The following RBM12 variants were observed in gnomAD, a reference collection of about 807,000 sequenced individuals.
RBM12 encodes the protein RNA-binding protein 12.
A neutral mutation model predicts 37.2 loss-of-function variants in RBM12; 24 were observed. That is an observed-to-expected ratio of 0.65 (90% CI 0.47 to 0.91). The LOEUF is 0.91. Ranked by LOEUF, RBM12 falls within the 40% of genes least tolerant of loss-of-function variation. The pLI, the probability that RBM12 is intolerant of heterozygous loss-of-function variation, is 0.00. For missense variants in RBM12, 1,061 were observed against 1,183.2 expected, an observed-to-expected ratio of 0.90 and a Z score of 1.52; for synonymous variants, 420 against 425.2, an observed-to-expected ratio of 0.99 and a Z score of 0.15.
At chr20:35,663,565 ATTAGG>A (rs888291918) in intron 1 of RBM12, among the ~76,000 whole-genome samples, 31 of 152,182 alleles carry the variant, frequency 2.0e-4, no homozygotes, top group African/African-American at 7.5e-4. Context: ...TTCAATTTAT[ATTAGG>A]TTATCTCTGA....
Position 35,654,652 on chromosome 20 carries a change from G to A in RBM12, c.671C>T (p.Pro224Leu). The change falls in exon 3 of 3, where the codon CCC becomes CTC. Residue 224 changes from proline (P) to leucine (L), a missense_variant. Coordinates refer to ENST00000374114, the MANE Select transcript of RBM12 (RefSeq NM_006047.6). ...CACAGAAGGAACTGGGGGAATCGGG[G>A]GCACAGGAGGCACAGGAGGCAATGT... ...VPTLPPVPPV[P>L]PIPPVPSVPP... 3.7e-6 allele frequency: 6 copies of A among 1,612,158 alleles called. No individual in the cohort carries two copies. Among genetic ancestry groups the A allele is most frequent in the Non-Finnish European group, 5.1e-6 (6 of 1,178,640 alleles).
Position 35,655,339 on chromosome 20 carries a change from ACAC to A in RBM12, c.-20_-18del. 6.3e-7 allele frequency: 1 copy of A among 1,596,348 alleles called. No homozygotes were observed. Among genetic ancestry groups the A allele is most frequent in the Non-Finnish European group, 8.5e-7 (1 of 1,175,996 alleles). ...CACAGCCATGCTGCGCTGAAACCAC[ACAC>A]ACCTGCAGATGAGAAAAGGCAACGG... On this transcript the variant is annotated splice_region_variant and 5_prime_UTR_variant, in exon 3 of 3. Coordinates refer to ENST00000374114, the MANE Select transcript of RBM12 (RefSeq NM_006047.6).
chr20:35,649,459 GAAT>G lies in RBM12; in HGVS notation c.*3062_*3064del, dbSNP rs2033348505. 1 of 152,510 alleles carries G rather than the reference GAAT, an allele frequency of 6.6e-6. No individual in the cohort carries two copies. The highest frequency in any genetic ancestry group is 2.4e-5 in the African/African-American group (1 of 41,434). The allele number at this position is 152,510 out of a possible 1,614,324, so 9.4% of individuals were successfully genotyped here. On this transcript the variant is annotated 3_prime_UTR_variant, in exon 3 of 3. Coordinates refer to ENST00000374114, the MANE Select transcript of RBM12 (RefSeq NM_006047.6). ...GGTTAAGACTGGCCTTAACTACACT[GAAT>G]ATTACTACCTGAAATTTTAAATAAA... is the stretch of plus-strand genomic sequence containing the variant.
chr20:35,659,069 C>A (rs941614736), intron 1 of RBM12, 55 bp from the exon 2 acceptor site: 1 of 711,676 alleles, frequency 1.4e-6, no homozygotes, highest in South Asian at 1.5e-5. Context: ...CAAAACAACA[C>A]GCACAGGCCA....
chr20:35,659,094 A>C, intron 1 of RBM12, 80 bp from the exon 2 acceptor site: 1 of 585,082 alleles, frequency 1.7e-6, no homozygotes, highest in Non-Finnish European at 3.1e-6. Flanking sequence ...GTACATTACG[A>C]AGGCGAGTCT....
chr20:35,655,422 T>C, intron 2 of RBM12, 78 bp from the exon 3 acceptor site: 2 of 1,256,994 alleles, frequency 1.6e-6, no homozygotes, highest in Non-Finnish European at 2.2e-6. Context: ...AATGACCAGC[T>C]ACCATATTAG....
rs369186536 is a variant in RBM12, at chr20:35,653,334, G to A, written c.1989C>T (p.Pro663=). The A allele has an allele frequency of 1.2e-6, 2 of 1,613,690 alleles. No individual in the cohort carries two copies. Among genetic ancestry groups the A allele is most frequent in the African/African-American group, 1.3e-5 (1 of 74,918 alleles). Residue 663 remains proline, a synonymous_variant, in exon 3 of 3, where the codon CCC becomes CCT. Coordinates refer to ENST00000374114, the MANE Select transcript of RBM12 (RefSeq NM_006047.6). ...PNAGLPGVGL[P]SAGLPGAGLP... is the part of the protein sequence containing the mutation. ...GGCCTGCACCGGGAAGTCCTGCACT[G>A]GGCAGTCCCACACCGGGCAGTCCCG...
At chr20:35,659,088 A>G in intron 1 of RBM12, 74 bp from the exon 2 acceptor site, 2 of 604,754 alleles carry the variant, frequency 3.3e-6, no homozygotes, top group South Asian at 4.1e-5. Context: ...CACACTGTAC[A>G]TTACGAAGGC....
chr20:35,658,972 C>T lies in RBM12; in HGVS notation c.-65G>A. The T allele has an allele frequency of 1.4e-6, 1 of 717,084 alleles. No homozygotes were observed. The highest frequency in any genetic ancestry group is 2.6e-6 in the Non-Finnish European group (1 of 385,016). 44.4% of individuals were successfully genotyped at this position (717,084 alleles called of 1,614,324 possible). A position where few individuals can be genotyped will look rare whatever the true frequency, so the allele number is the denominator to read the frequency against. Reference sequence around the variant, plus strand: ...GAATTTCCTTAACAAGAAGTAGAGGCCAAGTCAATCCTGTGGGCAACCAAT... The same window carrying T: ...GAATTTCCTTAACAAGAAGTAGAGGTCAAGTCAATCCTGTGGGCAACCAAT... On this transcript the variant is annotated 5_prime_UTR_variant, in exon 2 of 3. Transcript: ENST00000374114.
Position 35,654,182 on chromosome 20 carries a change from G to T in RBM12, c.1141C>A (p.Gln381Lys), listed in dbSNP as rs750535784. The change falls in exon 3 of 3, where the codon CAG becomes AAG. Residue 381 changes from glutamine to lysine, a missense_variant. By Grantham distance (53) the Gln-to-Lys change is moderately conservative (BLOSUM62 1). Around this residue, in one of 3 missense-constraint regions of RBM12, gnomAD observed 540 missense variants for 632.7 expected, o/e 0.85. Coordinates refer to ENST00000374114, the MANE Select transcript of RBM12 (RefSeq NM_006047.6). ...YVEVSPATER[Q>K]WVAAGGHITF... is the part of the protein sequence containing the mutation. Reference sequence around the variant, plus strand: ...ATATGGCCTCCAGCAGCTACCCACTGTCTTTCTGTGGCAGGGCTAACTTCC... The same window carrying T: ...ATATGGCCTCCAGCAGCTACCCACTTTCTTTCTGTGGCAGGGCTAACTTCC... The T allele has an allele frequency of 6.2e-7, 1 of 1,614,088 alleles. No individual in the cohort carries two copies. Among genetic ancestry groups the T allele is most frequent in the Non-Finnish European group, 8.5e-7 (1 of 1,180,050 alleles).
intron 2 of RBM12, 126 bp downstream of exon 2, chr20:35,658,804 C>A (rs907624950): frequency 7.8e-4 from 29 of 37,058 alleles, no homozygotes; most frequent in East Asian, 3.8e-3. Context: ...CAAACAAAAA[C>A]ACACACACAC....
chr20:35,664,037 C>A (rs562757208), intron 1 of RBM12, among the ~76,000 whole-genome samples: 3 of 152,178 alleles, frequency 2.0e-5, no homozygotes, highest in African/African-American at 7.2e-5. Context: ...TGGCATCTTA[C>A]TACAATTCTC....
intron 1 of RBM12, among the ~76,000 whole-genome samples, chr20:35,659,451 G>A (rs1312857984): frequency 2.0e-5 from 3 of 152,098 alleles, no homozygotes; most frequent in Non-Finnish European, 4.4e-5. Context: ...ACTTAAGATA[G>A]CAATTCAAGG....
rs1228156683 is a variant in RBM12 at position 35,650,911 on chromosome 20, G to A, written c.*1613C>T. 6.6e-6 allele frequency: 1 copy of A among 152,602 alleles called. No homozygotes were observed. The highest frequency in any genetic ancestry group is 2.4e-5 in the African/African-American group (1 of 41,444). The allele number at this position is 152,602 out of a possible 1,614,324, so 9.5% of individuals were successfully genotyped here. A position where few individuals can be genotyped will look rare whatever the true frequency, so the allele number is the denominator to read the frequency against. ...GTAACTACGCTGATTTGTAGGAAAT[G>A]TTGGGGATGTTTCAAACGAAGACAA... On this transcript the variant is annotated 3_prime_UTR_variant, in exon 3 of 3. Transcript: ENST00000374114.
chr20:35,663,003 CCT>C (rs565207291), intron 1 of RBM12, among the ~76,000 whole-genome samples: 210 of 152,252 alleles, frequency 1.4e-3, no homozygotes, highest in Admixed American at 3.5e-3. Flanking sequence ...AAATGTATTC[CCT>C]GTTTCATTAA....
rs1180580510 is a variant in RBM12 at position 35,653,732 on chromosome 20, T to A, written c.1591A>T (p.Met531Leu). Residue 531 changes from methionine (M) to leucine (L), a missense_variant, in exon 3 of 3, where the codon ATG becomes TTG. Met to Leu is a conservative substitution (Grantham distance 15). Coordinates refer to ENST00000374114, the MANE Select transcript of RBM12 (RefSeq NM_006047.6). ...LQNFSYDQRE[M>L]ILNPEGDVNS... ...ACATCCCCCTCTGGATTTAGTATCATTTCCCTCTGGTCATAGCTGAAGTTC... is the reference window on the plus strand; with the variant it reads ...ACATCCCCCTCTGGATTTAGTATCAATTCCCTCTGGTCATAGCTGAAGTTC... 2 of 1,614,220 alleles carry A rather than the reference T, an allele frequency of 1.2e-6. No homozygotes were observed. Among genetic ancestry groups the A allele is most frequent in the African/African-American group, 1.3e-5 (1 of 75,070 alleles).
At position 35,653,039 on chromosome 20, in the gene RBM12, A is replaced by C; in HGVS notation, c.2284T>G (p.Leu762Val). ...GGAACATCCAGTCCTAGACCAGGCA[A>C]ACCACTGTTTCCAACTGAAGGCATA... ...PGMPSVGNSG[L>V]PGLGLDVPGF... Residue 762 changes from leucine to valine, a missense_variant, in exon 3 of 3, where the codon TTG becomes GTG. By Grantham distance (32) the Leu-to-Val change is conservative. Transcript: ENST00000374114. The C allele has an allele frequency of 6.2e-7, 1 of 1,613,880 alleles. No homozygotes were observed. The highest frequency in any genetic ancestry group is 8.5e-7 in the Non-Finnish European group (1 of 1,180,030).
chr20:35,655,481 A>G, intron 2 of RBM12, 137 bp from the exon 3 acceptor site: 1 of 750,006 alleles, frequency 1.3e-6, no homozygotes, highest in South Asian at 2.0e-5. Context: ...TTTAATTTAG[A>G]TATTCTAAAA....
intron 1 of RBM12, among the ~76,000 whole-genome samples, chr20:35,661,824 T>C (rs576210366): frequency 2.0e-4 from 31 of 152,240 alleles, no homozygotes; most frequent in Non-Finnish European, 3.8e-4. Flanking sequence ...AAAAGTGAAC[T>C]TTAACTTTGT....
Sources: allele counts gnomAD v4.1 joint callset (sites outside exome capture counted in the v4.1 genomes callset), GRCh38; gene constraint gnomAD v4.1.1; regional missense constraint gnomAD v4.1.1; transcripts MANE v1.5; gene names NCBI Gene and HGNC (gene_info 2026-07-23, HGNC 2026-07-21).